Variants in SCARA5 observed in about 807,000 individuals in gnomAD.
The protein encoded by SCARA5 is scavenger receptor class A member 5.
Under a neutral mutation model 46.3 loss-of-function variants are expected in SCARA5, and 45 were observed. That is an observed-to-expected ratio of 0.97 (90% CI 0.76 to 1.24). The LOEUF (loss-of-function observed/expected upper bound fraction) is 1.24, where lower values mean the gene tolerates loss of function less well. Among genes scored for constraint, SCARA5 ranks in the 50% most tolerant of loss-of-function variants. The pLI, the probability that SCARA5 is intolerant of heterozygous loss-of-function variation, is 0.00. For missense variants in SCARA5, 680 were observed against 689.0 expected (o/e 0.99, Z 0.15); for synonymous variants, 333 against 306.5 (o/e 1.09, Z -0.90).
At chr8:27,943,867 G>A (rs1190902504) in intron 3 of SCARA5, among the ~76,000 whole-genome samples, 1 of 152,210 alleles carries the variant, frequency 6.6e-6, no homozygotes, top group Non-Finnish European at 1.5e-5. Flanking sequence ...GCCTCAGAGT[G>A]TCTCCCCACA....
chr8:27,879,772 G>C lies in SCARA5; in HGVS notation c.1154-6C>G. ...CATCGGGGCCTCCACGCCACCTGCC[G>C]GAGCAGCCAACTGTCACTACCCAGC... On this transcript the variant is annotated splice_region_variant and splice_polypyrimidine_tract_variant and intron_variant, in intron 7 of 8. Transcript: ENST00000354914. 1 of 1,612,078 alleles carries C rather than the reference G, an allele frequency of 6.2e-7. No individual in the cohort carries two copies. Among genetic ancestry groups the C allele is most frequent in the Non-Finnish European group, 8.5e-7 (1 of 1,179,902 alleles).
chr8:27,885,766 C>T (rs531968986), intron 7 of SCARA5, among the ~76,000 whole-genome samples: 108 of 152,326 alleles, frequency 7.1e-4, no homozygotes, highest in Admixed American at 1.6e-3. Context: ...AATGACCGTA[C>T]ATCTCAAGTG....
intron 8 of SCARA5, among the ~76,000 whole-genome samples, chr8:27,872,699 G>T (rs1348281790): frequency 6.6e-6 from 1 of 152,218 alleles, no homozygotes; most frequent in Non-Finnish European, 1.5e-5. Context: ...ACGTCTCCTG[G>T]AAGACACATC....
intron 3 of SCARA5, among the ~76,000 whole-genome samples, chr8:27,946,259 A>G (rs1319616834): frequency 6.6e-6 from 1 of 152,246 alleles, no homozygotes; most frequent in Non-Finnish European, 1.5e-5. Context: ...TGCATACGCT[A>G]TCACAGGAAG....
intron 4 of SCARA5, among the ~76,000 whole-genome samples, chr8:27,911,665 T>C (rs1033435232): frequency 6.6e-6 from 1 of 150,880 alleles, no homozygotes; most frequent in African/African-American, 2.4e-5. Flanking sequence ...CACTCCAACA[T>C]GGGTGACAAG....
chr8:27,924,324 T>G (rs1807647514), intron 3 of SCARA5, among the ~76,000 whole-genome samples: 1 of 152,218 alleles, frequency 6.6e-6, no homozygotes, highest in African/African-American at 2.4e-5. Context: ...TAAGTTCTCA[T>G]CCAGAACTTC....
intron 3 of SCARA5, among the ~76,000 whole-genome samples, chr8:27,946,322 T>G (rs949096687): frequency 1.3e-5 from 2 of 152,216 alleles, no homozygotes; most frequent in African/African-American, 4.8e-5. Context: ...TGAAAACAAC[T>G]GACTTTAGAG....
intron 7 of SCARA5, among the ~76,000 whole-genome samples, chr8:27,887,140 C>T (rs115946976): frequency 0.027 from 4,103 of 152,210 alleles, 206 homozygotes; most frequent in African/African-American, 0.094. Context: ...CCCAGGCTTT[C>T]GAGGTTGCAG....
chr8:27,876,663 T>C (rs1193621483), intron 8 of SCARA5, among the ~76,000 whole-genome samples: 1 of 151,984 alleles, frequency 6.6e-6, no homozygotes, highest in African/African-American at 2.4e-5. Flanking sequence ...GACACTTGGG[T>C]CTGGAGCTCC....
intron 7 of SCARA5, among the ~76,000 whole-genome samples, chr8:27,891,603 T>G (rs1255815235): frequency 6.6e-6 from 1 of 152,170 alleles, no homozygotes; most frequent in East Asian, 1.9e-4. Context: ...CAAAAGAATT[T>G]CCTGTATGTT....
At chr8:27,904,555 C>T in intron 7 of SCARA5, 2 of 608,826 alleles carry the variant, frequency 3.3e-6, no homozygotes, top group Non-Finnish European at 5.8e-6. Context: ...ATGCACACAA[C>T]CGCCAGGTTT....
intron 3 of SCARA5, among the ~76,000 whole-genome samples, chr8:27,945,103 T>A (rs1808013528): frequency 1.3e-5 from 2 of 151,646 alleles, no homozygotes; most frequent in Non-Finnish European, 2.9e-5. Context: ...AAGAAGAGGC[T>A]GCAGTGAGCT....
chr8:27,949,701 G>A lies in SCARA5; in HGVS notation c.241+16713C>T, dbSNP rs191350167. ...CATCCCATCAAGAGGGCTTTTCCCC[G>A]TGGAAACTCACGCCCACGGTACCCG... On this transcript the variant is annotated intron_variant, in intron 3 of 8. Transcript: ENST00000354914. Among the ~76,000 whole-genome samples, 236 of 152,300 alleles carry A rather than the reference G, an allele frequency of 1.5e-3. 4 individuals are homozygous for A. The highest frequency in any genetic ancestry group is 5.6e-4 in the Non-Finnish European group (38 of 68,032).
At chr8:27,987,423 G>C (rs1035219157) in intron 2 of SCARA5, 81 bp downstream of exon 2, 78 of 897,876 alleles carry the variant, frequency 8.7e-5, no homozygotes, top group Non-Finnish European at 1.3e-4. Flanking sequence ...TAAAGGCAAT[G>C]CCAAGGTTGG....
At chr8:27,914,475 C>T (rs1231175382) in intron 4 of SCARA5, among the ~76,000 whole-genome samples, 1 of 152,188 alleles carries the variant, frequency 6.6e-6, no homozygotes, top group Non-Finnish European at 1.5e-5. Flanking sequence ...GGCACTATCC[C>T]CCACCTCGAA....
chr8:27,963,697 G>T (rs1452756874), intron 3 of SCARA5, among the ~76,000 whole-genome samples: 2 of 152,124 alleles, frequency 1.3e-5, no homozygotes, highest in Non-Finnish European at 2.9e-5. Context: ...CAGTATTTGG[G>T]CAAGAAGATG....
chr8:27,948,856 T>A (rs756009802), intron 3 of SCARA5, among the ~76,000 whole-genome samples: 2 of 152,234 alleles, frequency 1.3e-5, no homozygotes, highest in Non-Finnish European at 2.9e-5. Flanking sequence ...TCCTTGAGAG[T>A]TCATGCGTTT....
intron 3 of SCARA5, among the ~76,000 whole-genome samples, chr8:27,938,299 C>T (rs75887083): frequency 0.011 from 1,606 of 152,190 alleles, 25 homozygotes; most frequent in African/African-American, 0.035. Context: ...CACTTCTGAA[C>T]TGTGTACTTA....
chr8:27,890,921 G>A (rs544140436), intron 7 of SCARA5, among the ~76,000 whole-genome samples: 9 of 152,286 alleles, frequency 5.9e-5, no homozygotes, highest in African/African-American at 1.2e-4. Flanking sequence ...AGGTTGTCCC[G>A]GCAGGTGTGG....
Sources: gnomAD v4.1 joint callset for allele counts (sites outside exome capture counted in the v4.1 genomes callset) on GRCh38, gnomAD v4.1.1 for gene constraint, MANE v1.5 for transcripts, NCBI Gene and HGNC (gene_info 2026-07-23, HGNC 2026-07-21) for gene names.